The following MAF variants were observed in gnomAD, a reference collection of about 807,000 sequenced individuals.
The protein encoded by MAF is transcription factor Maf.
A neutral mutation model predicts 22.0 loss-of-function variants in MAF; 10 were observed. The ratio of observed to expected loss-of-function variants is 0.45; its 90% CI spans 0.28 to 0.77. The LOEUF (loss-of-function observed/expected upper bound fraction) is 0.77. Ranked by LOEUF, MAF falls within the 30% of genes least tolerant of loss-of-function variation. MAF has a pLI of 0.12. For missense variants in MAF, 544 were observed against 548.4 expected (o/e 0.99, Z 0.08); for synonymous variants, 337 against 255.8 (o/e 1.32, Z -3.03).
chr16:79,475,624 T>C, the MAF span, among the ~76,000 whole-genome samples: 1 of 152,164 alleles, frequency 6.6e-6, no homozygotes, highest in Non-Finnish European at 1.5e-5. Flanking sequence ...ATTTTAACTA[T>C]TCATAAGGGT....
the MAF span, among the ~76,000 whole-genome samples, chr16:79,509,335 C>T: frequency 0.02 from 3,026 of 152,300 alleles, 93 homozygotes; most frequent in African/African-American, 0.068. Flanking sequence ...AAGGAGGAGG[C>T]AGTGAGGAAG....
At chr16:79,590,535 G>T (rs1001403432), downstream of MAF, among the ~76,000 whole-genome samples, 3 of 152,196 alleles carry the variant, frequency 2.0e-5, no homozygotes, top group Non-Finnish European at 4.4e-5. Context: ...GAAGGAAAAG[G>T]TGTCAGAAAT....
chr16:79,545,129 T>C, the MAF span, among the ~76,000 whole-genome samples: 2 of 152,110 alleles, frequency 1.3e-5, no homozygotes, highest in African/African-American at 4.8e-5. Context: ...AAATAGATGA[T>C]CTCAGAATCT....
At chr16:79,590,680 A>G (rs921675339), downstream of MAF, among the ~76,000 whole-genome samples, 8 of 151,574 alleles carry the variant, frequency 5.3e-5, no homozygotes, top group African/African-American at 1.9e-4. Context: ...CACCCTGCAA[A>G]CAGATCCTTC....
the MAF span, among the ~76,000 whole-genome samples, chr16:79,290,775 G>A: frequency 6.6e-6 from 1 of 151,916 alleles, no homozygotes; most frequent in Non-Finnish European, 1.5e-5. Context: ...CTCCCAGGGC[G>A]AATTTGGTGT....
At chr16:79,385,413 GC>G in the MAF span, among the ~76,000 whole-genome samples, 1 of 152,126 alleles carries the variant, frequency 6.6e-6, no homozygotes, top group African/African-American at 2.4e-5. Flanking sequence ...ATAAAATTAT[GC>G]TTTTTTTTCA....
At chr16:79,316,143 C>T in the MAF span, among the ~76,000 whole-genome samples, 33 of 152,318 alleles carry the variant, frequency 2.2e-4, no homozygotes, top group African/African-American at 7.2e-4. Flanking sequence ...AAGGCGTGGG[C>T]GCCTGTTAGA....
At chr16:79,224,476 T>C in the MAF span, among the ~76,000 whole-genome samples, 1 of 152,138 alleles carries the variant, frequency 6.6e-6, no homozygotes, top group Non-Finnish European at 1.5e-5. Flanking sequence ...CTCTCACTGC[T>C]CCTATTCCAC....
At chr16:79,260,095 T>C in the MAF span, among the ~76,000 whole-genome samples, 2 of 152,350 alleles carry the variant, frequency 1.3e-5, no homozygotes, top group South Asian at 4.1e-4. Flanking sequence ...CTTTTCTCTT[T>C]AACACTTGCC....
chr16:79,442,603 G>A, the MAF span, among the ~76,000 whole-genome samples: 12 of 152,164 alleles, frequency 7.9e-5, no homozygotes, highest in African/African-American at 2.9e-4. Context: ...ATACAGTGGT[G>A]CAGCACGATC....
At chr16:79,544,121 G>C in the MAF span, among the ~76,000 whole-genome samples, 1 of 151,986 alleles carries the variant, frequency 6.6e-6, no homozygotes, top group Non-Finnish European at 1.5e-5. Context: ...GGTATGATAT[G>C]GTCAACCGTG....
At chr16:79,498,567 G>C in the MAF span, among the ~76,000 whole-genome samples, 3 of 152,178 alleles carry the variant, frequency 2.0e-5, no homozygotes, top group African/African-American at 7.2e-5. Context: ...ACTGTGCCAA[G>C]TGTTTGGTTG....
chr16:79,548,305 T>C, the MAF span, among the ~76,000 whole-genome samples: 2 of 152,356 alleles, frequency 1.3e-5, no homozygotes, highest in African/African-American at 4.8e-5. Context: ...TGTTTTTTCA[T>C]TAGTTTTTTT....
At chr16:79,385,765 G>T in the MAF span, among the ~76,000 whole-genome samples, 1 of 152,152 alleles carries the variant, frequency 6.6e-6, no homozygotes, top group African/African-American at 2.4e-5. Flanking sequence ...GCTGGGTGTG[G>T]TAGTACACGC....
At chr16:79,475,199 A>C in the MAF span, among the ~76,000 whole-genome samples, 2 of 152,116 alleles carry the variant, frequency 1.3e-5, no homozygotes, top group Admixed American at 6.6e-5. Context: ...GAAGATTAAC[A>C]ATTATCCGTT....
the MAF span, among the ~76,000 whole-genome samples, chr16:79,563,169 A>G: frequency 6.6e-6 from 1 of 152,140 alleles, no homozygotes; most frequent in Non-Finnish European, 1.5e-5. Context: ...CCAGACACCA[A>G]AGCTAAACCT....
chr16:79,408,422 C>A, the MAF span, among the ~76,000 whole-genome samples: 58 of 152,168 alleles, frequency 3.8e-4, no homozygotes, highest in African/African-American at 1.3e-3. Context: ...GTGATCTGCC[C>A]GCCTCAGCCT....
chr16:79,337,030 G>C, the MAF span, among the ~76,000 whole-genome samples: 1 of 152,170 alleles, frequency 6.6e-6, no homozygotes, highest in Non-Finnish European at 1.5e-5. Flanking sequence ...TAAATCATCA[G>C]ACTGTTTAGA....
chr16:79,566,485 G>T, the MAF span, among the ~76,000 whole-genome samples: 15 of 152,318 alleles, frequency 9.8e-5, no homozygotes, highest in African/African-American at 3.4e-4. Flanking sequence ...AAGGGCCCAT[G>T]GGAGCATCTT....
Sources: gnomAD v4.1 joint callset for allele counts (sites outside exome capture counted in the v4.1 genomes callset) on GRCh38, gnomAD v4.1.1 for gene constraint, MANE v1.5 for transcripts, NCBI Gene and HGNC (gene_info 2026-07-23, HGNC 2026-07-21) for gene names.